Variants in FRYL observed in about 807,000 individuals in gnomAD.
The protein encoded by FRYL is protein furry homolog-like.
A neutral mutation model predicts 351.2 loss-of-function variants in FRYL; 150 were observed. The ratio of observed to expected loss-of-function variants is 0.43; its 90% CI spans 0.37 to 0.49. The LOEUF is 0.49. Ranked by LOEUF, FRYL falls within the 20% of genes least tolerant of loss-of-function variation. The probability of loss-of-function intolerance (pLI) is 0.00; values close to 1 mark genes in which losing one functional copy is unlikely to be tolerated. For synonymous variants in FRYL, 1,153 were observed against 1,257.1 expected (o/e 0.92, Z 1.75); for missense variants, 3,036 against 3,619.3 (o/e 0.84, Z 4.13).
chr4:48,718,560 G>T (rs1450197324), intron 1 of FRYL, among the ~76,000 whole-genome samples: 1 of 151,320 alleles, frequency 6.6e-6, no homozygotes, highest in African/African-American at 2.4e-5. Context: ...TGTGAAAATT[G>T]ACCCTATTAA....
At chr4:48,557,351 G>A (rs1461358227) in intron 34 of FRYL, 102 bp downstream of exon 34, 3 of 1,428,704 alleles carry the variant, frequency 2.1e-6, no homozygotes, top group East Asian at 2.3e-5. Context: ...AAAGATATTT[G>A]TTTGGTTATC....
chr4:48,623,768 G>T (rs562135184), intron 4 of FRYL, among the ~76,000 whole-genome samples: 20 of 151,804 alleles, frequency 1.3e-4, no homozygotes, highest in Admixed American at 1.3e-3. Context: ...TTAAATATCT[G>T]TTCAATACTT....
chr4:48,542,421 G>T (rs1446427248), intron 44 of FRYL, among the ~76,000 whole-genome samples: 2 of 152,140 alleles, frequency 1.3e-5, no homozygotes, highest in Admixed American at 6.5e-5. Flanking sequence ...ACTTTTGTTT[G>T]TTTGTTTGTA....
intron 3 of FRYL, among the ~76,000 whole-genome samples, chr4:48,641,608 C>A (rs11726035): frequency 6.6e-6 from 1 of 152,080 alleles, no homozygotes; most frequent in Admixed American, 6.6e-5. Context: ...CTAATTATAG[C>A]GCATTTATGA....
In FRYL at chr4:48,700,813, A is replaced by AT. The variant is rs1484900106; in HGVS notation, c.-204+9705dup. Among the ~76,000 whole-genome samples the AT allele has an allele frequency of 5.3e-5, 8 of 151,444 alleles. No individual in the cohort carries two copies. The East Asian group carries it at 5.8e-4, about 11-fold the overall frequency. On this transcript the variant is annotated intron_variant, in intron 2 of 63. Coordinates refer to ENST00000358350, the MANE Select transcript of FRYL (RefSeq NM_015030.2). ...CAAGACCCTGACTCAAAAAAATTAA[A>AT]TTAAAAAAAAAAAAAAACTTTCATC...
Position 48,603,290 on chromosome 4 carries a change from CAATG to C in FRYL, c.929_932del (p.Ser310TrpfsTer6). The C allele has an allele frequency of 6.3e-7, 1 of 1,580,304 alleles. No homozygotes were observed. On this transcript the variant is annotated frameshift_variant and splice_region_variant, in exon 12 of 64. Transcript: ENST00000358350. LOFTEE classifies it high-confidence loss of function. Reference sequence around the variant, plus strand: ...AAAGGTTTGAAATGTTTCTTAATACCAATGAATGCTTCTTTCTCGAGCTCAGTTC... The same window carrying C: ...AAAGGTTTGAAATGTTTCTTAATACCAATGCTTCTTTCTCGAGCTCAGTTC...
intron 56 of FRYL, among the ~76,000 whole-genome samples, chr4:48,514,465 T>C (rs942417650): frequency 6.6e-6 from 1 of 152,176 alleles, no homozygotes; most frequent in Non-Finnish European, 1.5e-5. Context: ...AGTTAGTCCT[T>C]GAGTAAAGAA....
intron 1 of FRYL, among the ~76,000 whole-genome samples, chr4:48,737,961 T>C (rs1276941240): frequency 6.6e-6 from 1 of 152,252 alleles, no homozygotes; most frequent in African/African-American, 2.4e-5. Flanking sequence ...TTTCCTCAAC[T>C]TGACAAGCAA....
chr4:48,663,774 C>CAAAAAAAA (rs71191251), intron 3 of FRYL, among the ~76,000 whole-genome samples: 7 of 70,090 alleles, frequency 1.0e-4, no homozygotes, highest in Non-Finnish European at 1.3e-4. Context: ...GACTCCGTCT[C>CAAAAAAAA]AAAAAAAAAA....
Position 48,620,727 on chromosome 4 carries a change from G to A in FRYL, c.226C>T (p.Arg76Cys), listed in dbSNP as rs371083439. The A allele has an allele frequency of 1.3e-5, 21 of 1,613,858 alleles. No individual in the cohort carries two copies. Among genetic ancestry groups the A allele is most frequent in the Admixed American group, 5.0e-5 (3 of 60,008 alleles). ...CGTCTGTACCAGTCAAACAAGGTGC[G>A]AAGTAAGGAAGGGAGACAGTGCTCT... ...VAEHCLPSLL[R>C]TLFDWYRRQN... The change falls in exon 6 of 64, where the codon CGC becomes TGC. Residue 76 changes from arginine to cysteine, a missense_variant. By Grantham distance (180) the Arg-to-Cys change is radical. This residue lies in a region of FRYL where 457 missense variants were observed against 566.6 expected (regional missense o/e 0.81). Transcript: ENST00000358350.
At chr4:48,710,373 G>A in intron 2 of FRYL, 146 bp downstream of exon 2, 4 of 395,180 alleles carry the variant, frequency 1.0e-5, no homozygotes, top group Non-Finnish European at 1.8e-5. Flanking sequence ...AATGTAATAT[G>A]TAAAAAATGT....
chr4:48,560,292 G>C (rs1198167485), intron 33 of FRYL, among the ~76,000 whole-genome samples: 2 of 152,194 alleles, frequency 1.3e-5, no homozygotes, highest in Non-Finnish European at 2.9e-5. Flanking sequence ...TCTTGCCTTA[G>C]AAACAGTGAA....
rs755785389 is a variant in FRYL at position 48,582,534 on chromosome 4, T to A, written c.1949A>T (p.Gln650Leu). ...GTTTTTATTATGCATTTGGGCTGCTTGTTTCCACTGATTTATTAATTGTAC... is the reference window on the plus strand; with the variant it reads ...GTTTTTATTATGCATTTGGGCTGCTAGTTTCCACTGATTTATTAATTGTAC... ...MLVQLINQWK[Q>L]AAQMHNKNQD... The change falls in exon 20 of 64, where the codon CAA becomes CTA. Residue 650 changes from glutamine to leucine, a missense_variant. Physicochemically the swap from Gln to Leu is moderately radical, Grantham distance 113. Transcript: ENST00000358350. 1 of 1,614,044 alleles carries A rather than the reference T, an allele frequency of 6.2e-7. No homozygotes were observed. Among genetic ancestry groups the A allele is most frequent in the Admixed American group, 1.7e-5 (1 of 60,030 alleles).
Position 48,501,642 on chromosome 4 carries a change from G to A in FRYL, c.8573C>T (p.Thr2858Met), listed in dbSNP as rs201254825. 5.0e-5 allele frequency: 80 copies of A among 1,588,374 alleles called. 1 individual carries two copies. Among genetic ancestry groups the A allele is most frequent in the Admixed American group, 3.5e-4 (21 of 59,752 alleles). ...AYCKLINQVNTIKNEAEVINM... is the reference protein window; with the variant it reads ...AYCKLINQVNMIKNEAEVINM... ...ATTTACCTCTGCTTCATTTTTTATC[G>A]TATTTACTTGGTTGATAAGTTTACA... The change falls in exon 62 of 64, where the codon ACG becomes ATG. Residue 2858 changes from threonine to methionine, a missense_variant. Physicochemically the swap from Thr to Met is moderately conservative, Grantham distance 81. This residue lies in a region of FRYL where 1,987 missense variants were observed against 2,311.7 expected (regional missense o/e 0.86). Transcript: ENST00000358350.
At chr4:48,642,472 C>T (rs1466388132) in intron 3 of FRYL, among the ~76,000 whole-genome samples, 2 of 152,082 alleles carry the variant, frequency 1.3e-5, no homozygotes, top group African/African-American at 4.8e-5. Flanking sequence ...TTTTCCCTCA[C>T]TATCCAGTTC....
intron 1 of FRYL, among the ~76,000 whole-genome samples, chr4:48,713,359 C>T (rs1403080052): frequency 1.3e-5 from 2 of 152,106 alleles, no homozygotes; most frequent in Non-Finnish European, 2.9e-5. Context: ...CATCAGTGTG[C>T]TGTATTCAGG....
intron 44 of FRYL, among the ~76,000 whole-genome samples, 177 bp from the exon 45 acceptor site, chr4:48,542,298 A>G (rs563960170): frequency 1.3e-5 from 2 of 152,370 alleles, no homozygotes; most frequent in South Asian, 4.1e-4. Flanking sequence ...TGGTGTATAA[A>G]TTGATTGTAA....
intron 18 of FRYL, among the ~76,000 whole-genome samples, chr4:48,588,383 T>C (rs1742572147): frequency 6.6e-6 from 1 of 152,036 alleles, no homozygotes; most frequent in African/African-American, 2.4e-5. Context: ...CAGTTTCCAG[T>C]TCTACACCCC....
chr4:48,626,801 ATG>A (rs1178981804), intron 4 of FRYL, among the ~76,000 whole-genome samples: 2 of 152,094 alleles, frequency 1.3e-5, no homozygotes, highest in Non-Finnish European at 2.9e-5. Context: ...TTTTTCTCTC[ATG>A]TGTGATTAAT....
Sources: gnomAD v4.1 joint callset for allele counts (sites outside exome capture counted in the v4.1 genomes callset) on GRCh38, gnomAD v4.1.1 for gene constraint, gnomAD v4.1.1 regional missense constraint, MANE v1.5 for transcripts, NCBI Gene and HGNC (gene_info 2026-07-23, HGNC 2026-07-21) for gene names.